NLRC3: variants seen among roughly 807,000 people sequenced by gnomAD.
NLRC3 encodes the protein NLR family CARD domain containing 3.
A neutral mutation model predicts 91.6 loss-of-function variants in NLRC3; 87 were observed. The ratio of observed to expected loss-of-function variants is 0.95; its 90% CI spans 0.80 to 1.14. The LOEUF is 1.14. Among genes scored for constraint, NLRC3 ranks in the 50% most tolerant of loss-of-function variants. The pLI, the probability that NLRC3 is intolerant of heterozygous loss-of-function variation, is 0.00. For synonymous variants in NLRC3, 694 were observed against 625.3 expected (o/e 1.11, Z -1.64); for missense variants, 1,577 against 1,418.6 (o/e 1.11, Z -1.79).
At chr16:3,556,009 T>G (rs2039300338) in intron 8 of NLRC3, 1 of 150,016 alleles carries the variant, frequency 6.7e-6, no homozygotes, top group East Asian at 1.9e-4. Flanking sequence ...CTCAGCTAAG[T>G]ATAGATATAA....
chr16:3,569,292 T>G, intron 1 of NLRC3, among the ~76,000 whole-genome samples: 1 of 132,076 alleles, frequency 7.6e-6, no homozygotes, highest in Non-Finnish European at 1.6e-5. Context: ...CCAGCCGGGG[T>G]GACAGAGAGA....
intron 6 of NLRC3, among the ~76,000 whole-genome samples, chr16:3,560,923 T>C (rs759293153): frequency 6.5e-4 from 99 of 152,066 alleles, no homozygotes; most frequent in South Asian, 1.3e-3. Flanking sequence ...CCTCCCAAAG[T>C]GCTGGGATTA....
chr16:3,546,541 A>T (rs947418486), intron 15 of NLRC3, among the ~76,000 whole-genome samples: 1 of 152,172 alleles, frequency 6.6e-6, no homozygotes, highest in African/African-American at 2.4e-5. Context: ...TGGGCAACAG[A>T]GCGAGACTCC....
intron 1 of NLRC3, among the ~76,000 whole-genome samples, chr16:3,573,343 G>T (rs1191672413): frequency 6.6e-6 from 1 of 152,008 alleles, no homozygotes; most frequent in Non-Finnish European, 1.5e-5. Context: ...TGGGAGGATC[G>T]CTTAACTCCC....
chr16:3,550,503 AG>A lies in NLRC3; in HGVS notation c.2352-7del. 1 of 1,606,876 alleles carries A rather than the reference AG, an allele frequency of 6.2e-7. No individual in the cohort carries two copies. Among genetic ancestry groups the A allele is most frequent in the Non-Finnish European group, 8.5e-7 (1 of 1,173,408 alleles). On this transcript the variant is annotated splice_region_variant and splice_polypyrimidine_tract_variant and intron_variant, in intron 10 of 19. Transcript: ENST00000359128. Reference sequence around the variant, plus strand: ...CAATACTATTACTGGAGAACCTGCAAGAGAAGGGATATGGATGAGCCAGCCT... The same window carrying A: ...CAATACTATTACTGGAGAACCTGCAAAGAAGGGATATGGATGAGCCAGCCT...
chr16:3,554,657 C>T (rs543762756), intron 8 of NLRC3, among the ~76,000 whole-genome samples: 4 of 152,304 alleles, frequency 2.6e-5, no homozygotes, highest in Non-Finnish European at 4.4e-5. Context: ...GCAACCCTCA[C>T]GCTGCTGGTG....
At position 3,548,346 on chromosome 16, in the gene NLRC3, C is replaced by G. The variant is rs1596444276; in HGVS notation, c.2688-128G>C. The G allele has an allele frequency of 8.0e-6, 6 of 745,682 alleles. No individual in the cohort carries two copies. The East Asian group carries it at 1.6e-4, about 20-fold the overall frequency. The allele number at this position is 745,682 out of a possible 1,614,324, so 46.2% of individuals were successfully genotyped here. A position where few individuals can be genotyped will look rare whatever the true frequency, so the allele number is the denominator to read the frequency against. On this transcript the variant is annotated intron_variant, in intron 14 of 19. Coordinates refer to ENST00000359128, the MANE Select transcript of NLRC3 (RefSeq NM_178844.4). ...TGTGGCAGGAGAATTCCTGCAACCC[C>G]TGCCCAGACTTAGTTCTCAGAGGGT...
intron 10 of NLRC3, among the ~76,000 whole-genome samples, chr16:3,550,856 A>T (rs2038956159): frequency 6.6e-6 from 1 of 152,142 alleles, no homozygotes; most frequent in Non-Finnish European, 1.5e-5. Context: ...CAGTCCTGGG[A>T]ATCTGAGTCT....
rs2038314539 is a variant in NLRC3, at chr16:3,539,423, C to T, written c.*2402G>A. 1 of 152,270 alleles carries T rather than the reference C, an allele frequency of 6.6e-6. No homozygotes were observed. Among genetic ancestry groups the T allele is most frequent in the African/African-American group, 2.4e-5 (1 of 41,442 alleles). 9.4% of individuals were successfully genotyped at this position (152,270 alleles called of 1,614,324 possible). On this transcript the variant is annotated 3_prime_UTR_variant, in exon 20 of 20. Transcript: ENST00000359128. ...GGTGTGTGCCTGACGACAGACTGAACTCCTTAACCATTTCAGACAGCTTGA... is the reference window on the plus strand; with the variant it reads ...GGTGTGTGCCTGACGACAGACTGAATTCCTTAACCATTTCAGACAGCTTGA...
intron 6 of NLRC3, among the ~76,000 whole-genome samples, chr16:3,560,913 C>A (rs373202411): frequency 3.1e-3 from 476 of 151,950 alleles, no homozygotes; most frequent in African/African-American, 0.01. Flanking sequence ...CCTGCTTCGG[C>A]CTCCCAAAGT....
At chr16:3,558,770 G>A (rs2039473660) in intron 6 of NLRC3, among the ~76,000 whole-genome samples, 1 of 152,020 alleles carries the variant, frequency 6.6e-6, no homozygotes, top group East Asian at 1.9e-4. Flanking sequence ...TCCCCAGGCT[G>A]GTGCTCTTCT....
rs1440314707 is a variant in NLRC3, at chr16:3,549,175, G to A, written c.2570C>T (p.Ala857Val). 1.3e-6 allele frequency: 2 copies of A among 1,587,598 alleles called. No individual in the cohort carries two copies. The highest frequency in any genetic ancestry group is 1.7e-6 in the Non-Finnish European group (2 of 1,166,716). The change falls in exon 13 of 20, where the codon GCC becomes GTC. Residue 857 changes from alanine to valine, a missense_variant. Coordinates refer to ENST00000359128, the MANE Select transcript of NLRC3 (RefSeq NM_178844.4). ...SPEGAQAIAHALCANSTLKNL... is the reference protein window; with the variant it reads ...SPEGAQAIAHVLCANSTLKNL... ...CTTCAGGGTGCTGTTGGCGCAGAGG[G>A]CATGAGCGATGGCCTGGGCTCCCTC...
intron 17 of NLRC3, 84 bp from the exon 18 acceptor site, chr16:3,542,859 T>G (rs1210892061): frequency 1.1e-6 from 1 of 875,552 alleles, no homozygotes; most frequent in Non-Finnish European, 1.8e-6. Flanking sequence ...TTGGGGCTGC[T>G]TGGTAGAGGA....
At chr16:3,554,176 C>A in intron 9 of NLRC3, 66 bp downstream of exon 9, 1 of 1,235,622 alleles carries the variant, frequency 8.1e-7, no homozygotes. Flanking sequence ...AGGTAATAGG[C>A]AGAGAGGCCC....
chr16:3,550,522 G>T lies in NLRC3; in HGVS notation c.2352-25C>A, dbSNP rs772965998. On this transcript the variant is annotated intron_variant, in intron 10 of 19. Transcript: ENST00000359128. ...CCTGCAAGAGAAGGGATATGGATGAGCCAGCCTCTGGGAGCTGCCAGGCAG... is the reference window on the plus strand; with the variant it reads ...CCTGCAAGAGAAGGGATATGGATGATCCAGCCTCTGGGAGCTGCCAGGCAG... 4.5e-6 allele frequency: 7 copies of T among 1,556,244 alleles called. No individual in the cohort carries two copies. The Admixed American group carries it at 1.0e-4, about 22-fold the overall frequency.
chr16:3,560,427 C>CAA (rs572143670), intron 6 of NLRC3, among the ~76,000 whole-genome samples: 1 of 139,684 alleles, frequency 7.2e-6, no homozygotes. Context: ...CGTCTCAAAA[C>CAA]AAAAAAAAAA....
rs926085315 is a variant in NLRC3, at chr16:3,539,063, A to T, written c.*2762T>A. The T allele has an allele frequency of 6.6e-6, 1 of 152,380 alleles. No homozygotes were observed. The highest frequency in any genetic ancestry group is 2.4e-5 in the African/African-American group (1 of 41,592). 9.4% of individuals were successfully genotyped at this position (152,380 alleles called of 1,614,324 possible). ...CAAATACTCAATTTTTATTGGTAGT[A>T]GTTATCAAGAACAAAGTCCTCGGAC... On this transcript the variant is annotated 3_prime_UTR_variant, in exon 20 of 20. Coordinates refer to ENST00000359128, the MANE Select transcript of NLRC3 (RefSeq NM_178844.4).
chr16:3,548,808 G>T, intron 13 of NLRC3, 55 bp from the exon 14 acceptor site: 2 of 1,257,914 alleles, frequency 1.6e-6, no homozygotes, highest in Non-Finnish European at 1.1e-6. Context: ...GAAGCCTCCG[G>T]TCCTTGGTCA....
intron 13 of NLRC3, 39 bp downstream of exon 13, chr16:3,549,103 C>T: frequency 6.9e-7 from 1 of 1,439,052 alleles, no homozygotes. Flanking sequence ...GTGGTCATGG[C>T]ATGAACAGCC....
Sources: allele counts gnomAD v4.1 joint callset (sites outside exome capture counted in the v4.1 genomes callset), GRCh38; gene constraint gnomAD v4.1.1; transcripts MANE v1.5; gene names NCBI Gene and HGNC (gene_info 2026-07-23, HGNC 2026-07-21).